The following LRRC7 variants were observed in gnomAD, a reference collection of about 807,000 sequenced individuals.
LRRC7 encodes leucine-rich repeat-containing protein 7.
In LRRC7, 23 loss-of-function variants were observed where a neutral mutation model predicts 175.7. The observed-to-expected ratio is 0.13, with a 90% CI of 0.09 to 0.19. LRRC7 has a LOEUF of 0.19. Among genes scored for constraint, LRRC7 ranks in the 10% least tolerant of loss-of-function variants. The pLI is 1.00. For missense variants in LRRC7, 1,354 were observed against 1,904.7 expected, an observed-to-expected ratio of 0.71 and a Z score of 5.38; for synonymous variants, 685 against 680.9, an observed-to-expected ratio of 1.01 and a Z score of -0.09.
chr1:69,980,220 T>C (rs1482445874), intron 8 of LRRC7, among the ~76,000 whole-genome samples, 159 bp from the exon 9 acceptor site: 1 of 152,150 alleles, frequency 6.6e-6, no homozygotes, highest in Middle Eastern at 3.2e-3. Flanking sequence ...GGAATACCAG[T>C]TTTCCTAGAG....
intron 1 of LRRC7, among the ~76,000 whole-genome samples, chr1:69,676,108 T>A (rs773454791): frequency 6.6e-6 from 1 of 151,876 alleles, no homozygotes; most frequent in African/African-American, 2.4e-5. Context: ...AGACTTTTTT[T>A]AAGCCCCAAT....
chr1:69,667,860 T>G (rs1230765101), intron 1 of LRRC7, among the ~76,000 whole-genome samples: 1 of 152,164 alleles, frequency 6.6e-6, no homozygotes, highest in East Asian at 1.9e-4. Context: ...TGTTTTCTGG[T>G]TGTTTTGTCA....
At chr1:69,972,978 TACTA>T (rs1408265198) in intron 8 of LRRC7, among the ~76,000 whole-genome samples, 1 of 144,654 alleles carries the variant, frequency 6.9e-6, no homozygotes, top group Non-Finnish European at 1.5e-5. Flanking sequence ...TATATATAAA[TACTA>T]TATATATAAA....
chr1:69,689,218 T>A (rs919737686), intron 2 of LRRC7, among the ~76,000 whole-genome samples: 1 of 152,212 alleles, frequency 6.6e-6, no homozygotes, highest in Admixed American at 6.5e-5. Flanking sequence ...CCCTTCTTCC[T>A]TTCAACCTTA....
intron 2 of LRRC7, among the ~76,000 whole-genome samples, chr1:69,701,513 A>G (rs923851514): frequency 2.0e-5 from 3 of 152,100 alleles, no homozygotes; most frequent in Admixed American, 1.3e-4. Flanking sequence ...AAAACCATAC[A>G]CTTCCATTTT....
intron 1 of LRRC7, among the ~76,000 whole-genome samples, chr1:69,574,086 G>A (rs1645847630): frequency 6.6e-6 from 1 of 152,050 alleles, no homozygotes; most frequent in Admixed American, 6.6e-5. Flanking sequence ...AAAAACAGTG[G>A]AACTCTAGGA....
chr1:69,884,651 T>C (rs1686982792), intron 7 of LRRC7, among the ~76,000 whole-genome samples: 2 of 139,334 alleles, frequency 1.4e-5, no homozygotes, highest in Non-Finnish European at 3.1e-5. Context: ...TCCAACACTA[T>C]GTTGAATAGG....
chr1:69,877,479 T>TA (rs561159341), intron 7 of LRRC7, among the ~76,000 whole-genome samples: 26 of 151,994 alleles, frequency 1.7e-4, no homozygotes, highest in East Asian at 5.8e-4. Flanking sequence ...ATTCTTTTTT[T>TA]AAAAAAAACC....
chr1:70,036,730 AT>A (rs59671095), intron 20 of LRRC7, 106 bp downstream of exon 20: 256,509 of 1,230,242 alleles, frequency 0.21, 27,702 homozygotes, highest in African/African-American at 0.23. Context: ...CACAAGTGGC[AT>A]AGAAGACAGA....
At chr1:69,732,920 G>C (rs1005918145) in intron 2 of LRRC7, among the ~76,000 whole-genome samples, 2 of 152,126 alleles carry the variant, frequency 1.3e-5, no homozygotes, top group South Asian at 4.1e-4. Flanking sequence ...ATTAATCAGT[G>C]GCCCAGGAAT....
At position 70,039,029 on chromosome 1, in the gene LRRC7, G is replaced by A; in HGVS notation, c.3205G>A (p.Asp1069Asn). 1.9e-6 allele frequency: 3 copies of A among 1,613,970 alleles called. No individual in the cohort carries two copies. Among genetic ancestry groups the A allele is most frequent in the Non-Finnish European group, 2.5e-6 (3 of 1,179,998 alleles). ...TATGACAAAAAAAGTCTATCAGTTT[G>A]ACCAAAGCTTCAATCCTCAAGGATC... The part of the protein sequence containing the change: ...ASMTKKVYQF[D>N]QSFNPQGSVE... The change falls in exon 21 of 27, where the codon GAC becomes AAC. Residue 1069 changes from aspartate to asparagine, a missense_variant. By Grantham distance (23) the Asp-to-Asn change is conservative. Coordinates refer to ENST00000651989, the MANE Select transcript of LRRC7 (RefSeq NM_001370785.2).
chr1:69,737,067 A>G (rs896285149), intron 2 of LRRC7, among the ~76,000 whole-genome samples: 1 of 152,096 alleles, frequency 6.6e-6, no homozygotes, highest in Non-Finnish European at 1.5e-5. Context: ...AAATTATTAT[A>G]CTGTAAGCTA....
intron 26 of LRRC7, among the ~76,000 whole-genome samples, chr1:70,108,923 A>G (rs1233127905): frequency 6.6e-6 from 1 of 152,092 alleles, no homozygotes; most frequent in Non-Finnish European, 1.5e-5. Flanking sequence ...AAATCCTAAG[A>G]TTGCTTTAAC....
In LRRC7 at chr1:70,020,901, C is replaced by T. The variant is rs188363490; in HGVS notation, c.1421-104C>T. The T allele has an allele frequency of 2.3e-4, 176 of 765,024 alleles. No homozygotes were observed. In the African/African-American group the frequency reaches 2.5e-3, roughly 11 times the overall value. The allele number at this position is 765,024 out of a possible 1,614,324, so 47.4% of individuals were successfully genotyped here. A position where few individuals can be genotyped will look rare whatever the true frequency, so the allele number is the denominator to read the frequency against. ...TTTTTCTTTCTTTCTTCTTTATTTC[C>T]GTATTTGTTTGTAGTATCTATCACC... On this transcript the variant is annotated intron_variant, in intron 15 of 26. Transcript: ENST00000651989.
In LRRC7 at chr1:70,140,714, C is replaced by A. The variant is rs934811300; in HGVS notation, c.*18827C>A. The A allele has an allele frequency of 8.5e-5, 13 of 152,140 alleles. No individual in the cohort carries two copies. The highest frequency in any genetic ancestry group is 3.1e-4 in the African/African-American group (13 of 41,432). The allele number at this position is 152,140 out of a possible 1,614,324, so 9.4% of individuals were successfully genotyped here. ...ATGCATTTTCCACCTTATTCCCAAA[C>A]CAGGCTTGAGAAAAAAAGCATTCAA... On this transcript the variant is annotated 3_prime_UTR_variant, in exon 27 of 27. Transcript: ENST00000651989.
chr1:69,718,793 A>T (rs553985765), intron 2 of LRRC7, among the ~76,000 whole-genome samples: 1 of 151,926 alleles, frequency 6.6e-6, no homozygotes, highest in East Asian at 1.9e-4. Flanking sequence ...CAAGAGATTC[A>T]AAGAGGGCAA....
At chr1:69,635,155 C>T (rs941146307) in intron 1 of LRRC7, among the ~76,000 whole-genome samples, 1 of 152,064 alleles carries the variant, frequency 6.6e-6, no homozygotes, top group Non-Finnish European at 1.5e-5. Flanking sequence ...TTAGCTCCCA[C>T]TTATAAATGA....
intron 21 of LRRC7, among the ~76,000 whole-genome samples, chr1:70,042,280 C>T (rs1191868856): frequency 6.6e-6 from 1 of 152,152 alleles, no homozygotes; most frequent in African/African-American, 2.4e-5. Context: ...TATGTAAAAC[C>T]AGTTTCGACA....
intron 4 of LRRC7, among the ~76,000 whole-genome samples, chr1:69,801,597 C>A (rs1248642764): frequency 1.3e-5 from 2 of 151,478 alleles, no homozygotes; most frequent in African/African-American, 4.8e-5. Flanking sequence ...TTATTTGGAT[C>A]TTTTCTCTCC....
Sources: gnomAD v4.1 joint callset for allele counts (sites outside exome capture counted in the v4.1 genomes callset) on GRCh38, gnomAD v4.1.1 for gene constraint, MANE v1.5 for transcripts, NCBI Gene and HGNC (gene_info 2026-07-23, HGNC 2026-07-21) for gene names.